Variants in REPS2 observed in about 807,000 individuals in gnomAD.
REPS2 encodes the protein ralBP1-associated Eps domain-containing protein 2.
In REPS2, 23 loss-of-function variants were observed where a neutral mutation model predicts 53.6. That is an observed-to-expected ratio of 0.43 (90% CI 0.31 to 0.61). The LOEUF (loss-of-function observed/expected upper bound fraction) is 0.61. Ranked by LOEUF, REPS2 falls within the 20% of genes least tolerant of loss-of-function variation. The pLI, the probability that REPS2 is intolerant of heterozygous loss-of-function variation, is 0.11. For synonymous variants in REPS2, 238 were observed against 218.6 expected (o/e 1.09, Z -0.78); for missense variants, 446 against 534.9 (o/e 0.83, Z 1.64).
intron 14 of REPS2, among the ~76,000 whole-genome samples, chrX:17,106,041 T>C (rs1309586813): frequency 2.7e-5 from 3 of 112,024 alleles, no homozygotes; most frequent in Non-Finnish European, 3.8e-5. Context: ...CTAAAGGCTT[T>C]GGAGGCCTAC....
At chrX:17,106,004 G>A (rs181378015) in intron 14 of REPS2, among the ~76,000 whole-genome samples, 1 of 111,883 alleles carries the variant, frequency 8.9e-6, no homozygotes, top group Non-Finnish European at 1.9e-5. Context: ...CTACCCCTCT[G>A]GGAGAGTCGC....
In REPS2 at chrX:17,052,682, T is replaced by G. The variant is rs2147931404; in HGVS notation, c.971+237T>G. On this transcript the variant is annotated intron_variant, in intron 7 of 17. Coordinates refer to ENST00000357277, the MANE Select transcript of REPS2 (RefSeq NM_004726.3). ...TGTTAACTATTATTTTAAAGTAATT[T>G]CCTAATTATTATCCCCATCTCAATC... Among the ~76,000 whole-genome samples the G allele has an allele frequency of 1.8e-5, 2 of 112,505 alleles. 1 individual carries two copies. Among genetic ancestry groups the G allele is most frequent in the South Asian group, 7.3e-4 (2 of 2,753 alleles).
intron 1 of REPS2, among the ~76,000 whole-genome samples, chrX:16,988,094 G>A (rs1456245195): frequency 9.1e-6 from 1 of 110,243 alleles, no homozygotes; most frequent in Non-Finnish European, 1.9e-5. Context: ...GCAATGTAGG[G>A]CGACCCCCAT....
intron 1 of REPS2, among the ~76,000 whole-genome samples, chrX:16,987,928 A>G (rs1464334478): frequency 9.0e-6 from 1 of 111,587 alleles, no homozygotes; most frequent in Non-Finnish European, 1.9e-5. Flanking sequence ...GCGTTGTGCT[A>G]GAAATTCCAA....
rs1011246941 is a variant in REPS2 at position 17,074,295 on chromosome X, C to T, written c.1379+136C>T. 53 of 540,695 alleles carry T rather than the reference C, an allele frequency of 9.8e-5. No homozygotes were observed. In the East Asian group the frequency reaches 1.3e-3, roughly 13 times the overall value. The allele number at this position is 540,695 out of a possible 1,213,427, so 44.6% of individuals were successfully genotyped here. ...AGCTTAGGATATGAGCCATTTCGCT[C>T]GTGCATGGCCTGATGGGAACATGCA... is the stretch of plus-strand genomic sequence containing the variant. On this transcript the variant is annotated intron_variant, in intron 12 of 17. Coordinates refer to ENST00000357277, the MANE Select transcript of REPS2 (RefSeq NM_004726.3).
Position 16,953,101 on chromosome X carries a change from ACACACACACACACACACAC to A in REPS2, c.273+5968_273+5986del, listed in dbSNP as rs1404357186. On this transcript the variant is annotated intron_variant, in intron 1 of 17. Transcript: ENST00000357277. ...CAAAAACAAACAAACCAAAAAACAA[ACACACACACACACACACAC>A]ACACACACACACACACACACACACA... Among the ~76,000 whole-genome samples the A allele has an allele frequency of 8.1e-3, 37 of 4,547 alleles. No homozygotes were observed. The Admixed American group carries it at 0.1, about 13-fold the overall frequency. The allele number at this position is 4,547 out of a possible 115,157, so 3.9% of individuals were successfully genotyped here. A position where few individuals can be genotyped will look rare whatever the true frequency, so the allele number is the denominator to read the frequency against.
intron 1 of REPS2, among the ~76,000 whole-genome samples, chrX:16,947,622 G>C (rs183676551): frequency 1.8e-5 from 2 of 111,895 alleles, no homozygotes; most frequent in Non-Finnish European, 3.8e-5. Flanking sequence ...CTATGTAGTT[G>C]TAATATATAA....
At chrX:17,162,081 C>A in the REPS2 span, among the ~76,000 whole-genome samples, 5 of 112,259 alleles carry the variant, frequency 4.5e-5, no homozygotes, top group African/African-American at 1.6e-4. Flanking sequence ...ATCTATGCAA[C>A]TGCAGTGAAA....
intron 1 of REPS2, among the ~76,000 whole-genome samples, chrX:16,983,516 G>GTTTTT (rs1356844655): frequency 1.8e-5 from 2 of 111,826 alleles, no homozygotes; most frequent in Admixed American, 1.9e-4. Flanking sequence ...GTTTTGTTTT[G>GTTTTT]TTTTGAGACA....
chrX:17,102,977 A>G (rs1273091360), intron 13 of REPS2, among the ~76,000 whole-genome samples: 1 of 112,440 alleles, frequency 8.9e-6, no homozygotes, highest in Non-Finnish European at 1.9e-5. Flanking sequence ...TTATAATTTC[A>G]TAGCAGCTGT....
intron 3 of REPS2, 53 bp from the exon 4 acceptor site, chrX:17,025,006 C>G (rs1323601795): frequency 3.3e-6 from 4 of 1,208,709 alleles, no homozygotes; most frequent in Non-Finnish European, 4.5e-6. Flanking sequence ...GACTGCAGCT[C>G]AGAACGCCAG....
intron 1 of REPS2, among the ~76,000 whole-genome samples, chrX:17,001,847 G>A (rs143238232): frequency 6.3e-5 from 7 of 111,530 alleles, no homozygotes; most frequent in Non-Finnish European, 1.3e-4. Flanking sequence ...AGAAGCAAAG[G>A]CAGAAACGCC....
rs143301746 is a variant in REPS2 at position 17,072,522 on chromosome X, A to T, written c.1334-1592A>T. Among the ~76,000 whole-genome samples, 73 of 111,711 alleles carry T rather than the reference A, an allele frequency of 6.5e-4. 2 individuals carry two copies. The East Asian group carries it at 0.017, about 26-fold the overall frequency. ...ACCAGCAGGGCTCACCCCTCCTTCC[A>T]CACCCATCCCTACCAGCAAAAAGAC... On this transcript the variant is annotated intron_variant, in intron 11 of 17. Coordinates refer to ENST00000357277, the MANE Select transcript of REPS2 (RefSeq NM_004726.3).
chrX:17,032,197 A>AGGC (rs2073735803), intron 5 of REPS2, among the ~76,000 whole-genome samples: 1 of 112,080 alleles, frequency 8.9e-6, no homozygotes, highest in Non-Finnish European at 1.9e-5. Context: ...GAGAGAGCTT[A>AGGC]GGCTGGACAT....
At chrX:17,119,868 CTTTTTTTT>C (rs35141257) in intron 14 of REPS2, among the ~76,000 whole-genome samples, 10 of 40,508 alleles carry the variant, frequency 2.5e-4, no homozygotes, top group African/African-American at 4.8e-4. Context: ...CGCACTGTGA[CTTTTTTTT>C]TTTTTTTTTT....
At chrX:17,038,337 G>T (rs2061791914) in intron 5 of REPS2, among the ~76,000 whole-genome samples, 1 of 112,476 alleles carries the variant, frequency 8.9e-6, no homozygotes, top group Non-Finnish European at 1.9e-5. Flanking sequence ...AAGTTAACCA[G>T]GCTAAGGAAG....
Position 17,006,327 on chromosome X carries a change from TAG to T in REPS2, c.385_386del (p.Ser129TyrfsTer2). 1 of 1,209,639 alleles carries T rather than the reference TAG, an allele frequency of 8.3e-7. No homozygotes were observed. Among genetic ancestry groups the T allele is most frequent in the Non-Finnish European group, 1.1e-6 (1 of 893,797 alleles). On this transcript the variant is annotated frameshift_variant, in exon 2 of 18. Coordinates refer to ENST00000357277, the MANE Select transcript of REPS2 (RefSeq NM_004726.3). LOFTEE classifies it high-confidence loss of function. ...GCACAATCTGGCCTCCCGGTACGGA[TAG>T]AGAGTATTAAATGTGGTGAGTATCT...
intron 1 of REPS2, among the ~76,000 whole-genome samples, chrX:16,967,878 G>A (rs2060793035): frequency 9.5e-6 from 1 of 105,156 alleles, no homozygotes; most frequent in Admixed American, 1.0e-4. Context: ...ATTCTTAGGT[G>A]TTTCTCGCAG....
chrX:17,055,988 T>TA (rs2062064089), intron 8 of REPS2, among the ~76,000 whole-genome samples: 1 of 104,784 alleles, frequency 9.5e-6, no homozygotes, highest in Non-Finnish European at 2.0e-5. Flanking sequence ...TAGAGTATAA[T>TA]AAAAAAATAA....
Sources: gnomAD v4.1 joint callset for allele counts (sites outside exome capture counted in the v4.1 genomes callset) on GRCh38, gnomAD v4.1.1 for gene constraint, MANE v1.5 for transcripts, NCBI Gene and HGNC (gene_info 2026-07-23, HGNC 2026-07-21) for gene names.